RFC3: variants seen among roughly 807,000 people sequenced by gnomAD.
RFC3 encodes the protein replication factor C subunit 3.
Under a neutral mutation model 45.1 loss-of-function variants are expected in RFC3, and 41 were observed. That is an observed-to-expected ratio of 0.91 (90% CI 0.71 to 1.18). The LOEUF is 1.18. RFC3 is among the 50% of genes most tolerant of loss of function. The pLI is 0.00. For missense variants in RFC3, 423 were observed against 428.1 expected (o/e 0.99, Z 0.10); for synonymous variants, 149 against 144.0 (o/e 1.03, Z -0.25).
chr13:33,838,775 C>G (rs1370827542), downstream of RFC3, among the ~76,000 whole-genome samples: 2 of 152,152 alleles, frequency 1.3e-5, no homozygotes, highest in Non-Finnish European at 2.9e-5. Context: ...TACTGTTACA[C>G]TTTTCCCTTT....
intron 8 of RFC3, among the ~76,000 whole-genome samples, chr13:33,944,762 A>T (rs866757557): frequency 6.6e-6 from 1 of 152,096 alleles, no homozygotes; most frequent in South Asian, 2.1e-4. Context: ...ACACGCACAC[A>T]CTCAAATTTC....
chr13:33,852,697 A>G (rs554328408), intron 8 of RFC3, among the ~76,000 whole-genome samples: 8 of 152,324 alleles, frequency 5.3e-5, no homozygotes, highest in South Asian at 2.1e-4. Context: ...ATAAAGACTT[A>G]TAATAGTTTA....
chr13:33,866,373 G>A (rs2137551093), intron 8 of RFC3, among the ~76,000 whole-genome samples: 1 of 152,362 alleles, frequency 6.6e-6, no homozygotes, highest in South Asian at 2.1e-4. Flanking sequence ...AACATGGTGT[G>A]CTTACCTTCA....
downstream of RFC3, among the ~76,000 whole-genome samples, chr13:33,839,023 T>A (rs1416680611): frequency 6.6e-6 from 1 of 152,168 alleles, no homozygotes; most frequent in South Asian, 2.1e-4. Flanking sequence ...GTCTGTGTAG[T>A]TTAGTGACCA....
In RFC3 at chr13:33,825,898, A is replaced by G. The variant is rs1275996871; in HGVS notation, c.391+12A>G. On this transcript the variant is annotated intron_variant, in intron 4 of 8. Transcript: ENST00000380071. The stretch of plus-strand genomic sequence containing the variant: ...AAGGGATTTTAAAGGTAGGTGATCA[A>G]AAGACTTCTTTTTATGAAGCTGCCA... 6.4e-7 allele frequency: 1 copy of G among 1,553,612 alleles called. No individual in the cohort carries two copies. Among genetic ancestry groups the G allele is most frequent in the South Asian group, 1.2e-5 (1 of 86,736 alleles).
intron 8 of RFC3, among the ~76,000 whole-genome samples, chr13:33,906,679 T>C (rs2082673950): frequency 6.6e-6 from 1 of 152,066 alleles, no homozygotes; most frequent in South Asian, 2.1e-4. Context: ...AAGGTTTAAA[T>C]TGGATCACTG....
At chr13:33,914,004 G>A (rs1202518060) in intron 8 of RFC3, among the ~76,000 whole-genome samples, 2 of 151,336 alleles carry the variant, frequency 1.3e-5, no homozygotes, top group African/African-American at 2.5e-5. Context: ...GTAATTACTG[G>A]GGAAACAGAT....
Position 33,835,226 on chromosome 13 carries a change from A to G in RFC3, c.879+9A>G, listed in dbSNP as rs757826136. ...CTGAGATAATAATGAAGGTAACCCAATTTCAGATCTTGAACTTTTTACAGC... is the reference window on the plus strand; with the variant it reads ...CTGAGATAATAATGAAGGTAACCCAGTTTCAGATCTTGAACTTTTTACAGC... On this transcript the variant is annotated intron_variant, in intron 8 of 8. Coordinates refer to ENST00000380071, the MANE Select transcript of RFC3 (RefSeq NM_002915.4). The G allele has an allele frequency of 1.3e-6, 2 of 1,590,398 alleles. No homozygotes were observed. The highest frequency in any genetic ancestry group is 1.1e-5 in the South Asian group (1 of 90,578).
the RFC3 span, among the ~76,000 whole-genome samples, chr13:33,976,521 TAAC>T: frequency 5.8e-4 from 88 of 152,276 alleles, no homozygotes; most frequent in Admixed American, 1.2e-3. Flanking sequence ...TAACTATAGT[TAAC>T]AACATTGTAT....
At chr13:33,831,787 G>A (rs550565710) in intron 7 of RFC3, among the ~76,000 whole-genome samples, 2 of 152,196 alleles carry the variant, frequency 1.3e-5, no homozygotes, top group Admixed American at 1.3e-4. Flanking sequence ...TGAACTCCTA[G>A]CTAAGTGTTC....
intron 8 of RFC3, among the ~76,000 whole-genome samples, chr13:33,879,622 GAAAT>G (rs2082469493): frequency 6.6e-6 from 1 of 152,040 alleles, no homozygotes; most frequent in African/African-American, 2.4e-5. Context: ...AAATAAAAAA[GAAAT>G]AAATAAAAAA....
chr13:33,902,371 A>G (rs770005163), intron 8 of RFC3, among the ~76,000 whole-genome samples: 11 of 152,034 alleles, frequency 7.2e-5, no homozygotes, highest in South Asian at 2.1e-4. Flanking sequence ...GTGACATACT[A>G]TGGGATTCTC....
intron 8 of RFC3, among the ~76,000 whole-genome samples, chr13:33,897,887 A>G (rs1226108448): frequency 1.3e-5 from 2 of 152,028 alleles, no homozygotes; most frequent in African/African-American, 4.8e-5. Context: ...ATATCTATGT[A>G]CCCATCACCA....
At chr13:33,970,363 C>A (rs559791947), downstream of RFC3, among the ~76,000 whole-genome samples, 187 of 152,144 alleles carry the variant, frequency 1.2e-3, no homozygotes, top group Non-Finnish European at 1.9e-3. Context: ...GATTCCATGT[C>A]TTTGCTATTG....
chr13:33,878,043 C>T (rs1176944441), intron 8 of RFC3, among the ~76,000 whole-genome samples: 1 of 151,910 alleles, frequency 6.6e-6, no homozygotes, highest in East Asian at 1.9e-4. Context: ...AGTGTAATTC[C>T]TGCCTGTAGG....
chr13:33,904,178 C>G (rs777113930), intron 8 of RFC3, among the ~76,000 whole-genome samples: 1 of 152,042 alleles, frequency 6.6e-6, no homozygotes, highest in African/African-American at 2.4e-5. Flanking sequence ...TGCCCAGCCT[C>G]TAGTACATTT....
chr13:33,936,408 C>T (rs1463568657), intron 8 of RFC3, among the ~76,000 whole-genome samples: 1 of 151,972 alleles, frequency 6.6e-6, no homozygotes, highest in Non-Finnish European at 1.5e-5. Context: ...TTTGTACCCC[C>T]CAAAATACAT....
At chr13:33,843,279 T>A (rs2082213266) in intron 8 of RFC3, among the ~76,000 whole-genome samples, 1 of 152,178 alleles carries the variant, frequency 6.6e-6, no homozygotes, top group African/African-American at 2.4e-5. Flanking sequence ...TCAGTTTGAT[T>A]ATAGTGTACA....
At chr13:33,818,390 A>G in intron 1 of RFC3, 125 bp downstream of exon 1, 1 of 694,142 alleles carries the variant, frequency 1.4e-6, no homozygotes, top group Non-Finnish European at 2.4e-6. Context: ...GGAGAAAAAT[A>G]ACACAGGGAA....
Sources: allele counts gnomAD v4.1 joint callset (sites outside exome capture counted in the v4.1 genomes callset), GRCh38; gene constraint gnomAD v4.1.1; transcripts MANE v1.5; gene names NCBI Gene and HGNC (gene_info 2026-07-23, HGNC 2026-07-21).